Variants in TOP1 observed in about 807,000 individuals in gnomAD.
TOP1 encodes the protein DNA topoisomerase 1.
A neutral mutation model predicts 111.1 loss-of-function variants in TOP1; 10 were observed. That is an observed-to-expected ratio of 0.09 (90% CI 0.06 to 0.15). TOP1 has a LOEUF of 0.15. TOP1 is among the 10% of genes least tolerant of loss of function. The pLI is 1.00. For missense variants in TOP1, 474 were observed against 926.7 expected (o/e 0.51, Z 6.34); for synonymous variants, 271 against 302.9 (o/e 0.89, Z 1.10).
At position 41,080,224 on chromosome 20, in the gene TOP1, G is replaced by A. The variant is rs750776765; in HGVS notation, c.431+44G>A. ...CTTTGACTTTTGAAAACAAAAAGGA[G>A]GAGTTTAAAGAATAAATGTGATGTG... On this transcript the variant is annotated intron_variant, in intron 6 of 20. Coordinates refer to ENST00000361337, the MANE Select transcript of TOP1 (RefSeq NM_003286.4). The surrounding 1 kb of genome is among the most constrained non-coding windows in gnomAD (Gnocchi z 5.0). 8.5e-7 allele frequency: 1 copy of A among 1,170,546 alleles called. No individual in the cohort carries two copies. Among genetic ancestry groups the A allele is most frequent in the Non-Finnish European group, 1.2e-6 (1 of 803,668 alleles). 72.5% of individuals were successfully genotyped at this position (1,170,546 alleles called of 1,614,324 possible). A position where few individuals can be genotyped will look rare whatever the true frequency, so the allele number is the denominator to read the frequency against.
intron 2 of TOP1, among the ~76,000 whole-genome samples, chr20:41,037,150 A>G (rs867563454): frequency 7.2e-5 from 11 of 152,166 alleles, no homozygotes; most frequent in South Asian, 6.2e-4. Context: ...TTTTCTAAGA[A>G]TGTTTACAGC....
At chr20:41,077,769 C>G in intron 5 of TOP1, 132 bp downstream of exon 5, 2 of 788,124 alleles carry the variant, frequency 2.5e-6, no homozygotes, top group Non-Finnish European at 4.2e-6. Flanking sequence ...AGAAGCTCAG[C>G]AGTGAGAAGA....
At chr20:41,068,768 G>T (rs182113933) in intron 3 of TOP1, among the ~76,000 whole-genome samples, 1 of 152,140 alleles carries the variant, frequency 6.6e-6, no homozygotes, top group Non-Finnish European at 1.5e-5. Context: ...TAGCTTGTAG[G>T]ATCTCACGAG....
rs1273361617 is a variant in TOP1, at chr20:41,061,447, C to A, written c.112C>A (p.His38Asn). The A allele has an allele frequency of 6.2e-7, 1 of 1,613,122 alleles. No homozygotes were observed. Among genetic ancestry groups the A allele is most frequent in the Non-Finnish European group, 8.5e-7 (1 of 1,179,518 alleles). The stretch of plus-strand genomic sequence containing the variant: ...AGATCGAGAACACCGGCACAAAGAA[C>A]ACAAGAAGGAGAAGGACCGGGAAAA... Reference protein sequence around the residue: ...HKDREHRHKEHKKEKDREKSK... With the variant: ...HKDREHRHKENKKEKDREKSK... The change falls in exon 3 of 21, where the codon CAC becomes AAC. Residue 38 changes from histidine to asparagine, a missense_variant. His to Asn is a moderately conservative substitution (Grantham distance 68). Transcript: ENST00000361337. This position sits in a 1 kb window ranked among gnomAD's most constrained non-coding sequence, Gnocchi z 4.6.
chr20:41,102,563 T>G lies in TOP1; in HGVS notation c.1308+1210T>G, dbSNP rs2034080621. 6.6e-6 allele frequency among the ~76,000 whole-genome samples: 1 copy of G among 152,314 alleles called. No homozygotes were observed. Among genetic ancestry groups the G allele is most frequent in the East Asian group, 1.9e-4 (1 of 5,188 alleles). The stretch of plus-strand genomic sequence containing the variant: ...AGGCAGAGGTCGCAGTGAGCTGAGA[T>G]CACGCCACTGCACTCCAGCCTGGGC... On this transcript the variant is annotated intron_variant, in intron 13 of 20. Transcript: ENST00000361337. The surrounding 1 kb of genome is among the most constrained non-coding windows in gnomAD (Gnocchi z 4.0).
At position 41,106,482 on chromosome 20, in the gene TOP1, C is replaced by T. The variant is rs1029157925; in HGVS notation, c.1308+5129C>T. Among the ~76,000 whole-genome samples the T allele has an allele frequency of 6.6e-5, 10 of 152,112 alleles. No individual in the cohort carries two copies. The highest frequency in any genetic ancestry group is 2.2e-4 in the African/African-American group (9 of 41,410). On this transcript the variant is annotated intron_variant, in intron 13 of 20. Transcript: ENST00000361337. This position sits in a 1 kb window ranked among gnomAD's most constrained non-coding sequence, Gnocchi z 4.3. Reference sequence around the variant, plus strand: ...GAATTGCAATACATTTATAGATTAACGGAGAAAGATATTGACAATACAATT... The same window carrying T: ...GAATTGCAATACATTTATAGATTAATGGAGAAAGATATTGACAATACAATT...
chr20:41,119,837 A>T (rs2034393868), intron 18 of TOP1, among the ~76,000 whole-genome samples: 1 of 152,176 alleles, frequency 6.6e-6, no homozygotes, highest in Admixed American at 6.5e-5. Flanking sequence ...ATTTGCTGCC[A>T]CTCTGTTAAA....
At position 41,118,389 on chromosome 20, in the gene TOP1, C is replaced by G. The variant is rs1321153324; in HGVS notation, c.1950+93C>G. ...GGGCTGAGATATCAGCAGGCCAGTG[C>G]TGGGTCTGTTGTAGAAGGTCTATGC... On this transcript the variant is annotated intron_variant, in intron 18 of 20. Transcript: ENST00000361337. This position sits in a 1 kb window ranked among gnomAD's most constrained non-coding sequence, Gnocchi z 4.6. 2.0e-6 allele frequency: 3 copies of G among 1,479,814 alleles called. No homozygotes were observed. Among genetic ancestry groups the G allele is most frequent in the Non-Finnish European group, 2.8e-6 (3 of 1,078,650 alleles). 91.7% of individuals were successfully genotyped at this position (1,479,814 alleles called of 1,614,324 possible).
chr20:41,117,757 G>T (rs1466201670), intron 17 of TOP1, among the ~76,000 whole-genome samples: 1 of 151,984 alleles, frequency 6.6e-6, no homozygotes, highest in Non-Finnish European at 1.5e-5. Context: ...GAGGTGGGGA[G>T]GTAGGAAGTG....
chr20:41,093,200 C>T (rs2033941440), intron 9 of TOP1, among the ~76,000 whole-genome samples: 1 of 152,132 alleles, frequency 6.6e-6, no homozygotes, highest in Non-Finnish European at 1.5e-5. Flanking sequence ...GTATTTGTAT[C>T]CTTGGGTTTG....
intron 2 of TOP1, among the ~76,000 whole-genome samples, chr20:41,037,605 A>G (rs2033205215): frequency 6.6e-6 from 1 of 152,258 alleles, no homozygotes; most frequent in Non-Finnish European, 1.5e-5. Context: ...GTTAACAGTT[A>G]TGCGTGAGTA....
At chr20:41,031,213 T>G (rs900325909) in intron 2 of TOP1, among the ~76,000 whole-genome samples, 1 of 152,186 alleles carries the variant, frequency 6.6e-6, no homozygotes, top group Non-Finnish European at 1.5e-5. Flanking sequence ...GCCTGCAGTT[T>G]AGAAAGCCAC....
chr20:41,077,582 G>T lies in TOP1; in HGVS notation c.280G>T (p.Val94Phe). The change falls in exon 5 of 21, where the codon GTT becomes TTT. Residue 94 changes from valine to phenylalanine, a missense_variant and splice_region_variant. By Grantham distance (50) the Val-to-Phe change is conservative. Transcript: ENST00000361337. ...TAGTTACTGTTGTTTTACTTTTCAG[G>T]TTCGAGCCTCTGGGGATGCAAAAAT... The part of the protein sequence containing the change: ...RDKEKRKEEK[V>F]RASGDAKIKK... 1.2e-6 allele frequency: 2 copies of T among 1,613,864 alleles called. No homozygotes were observed. Among genetic ancestry groups the T allele is most frequent in the African/African-American group, 1.3e-5 (1 of 75,014 alleles).
chr20:41,077,888 A>G (rs1322637734), intron 5 of TOP1, among the ~76,000 whole-genome samples: 1 of 151,730 alleles, frequency 6.6e-6, no homozygotes, highest in Non-Finnish European at 1.5e-5. Context: ...AGAGATTTTT[A>G]AAAATTGAGA....
chr20:41,072,621 G>A, intron 3 of TOP1: 1 of 985,384 alleles, frequency 1.0e-6, no homozygotes, highest in Non-Finnish European at 1.2e-6. Context: ...ATTGGCAGTG[G>A]GGTTTGCTCT....
intron 13 of TOP1, among the ~76,000 whole-genome samples, chr20:41,107,458 CA>C (rs2145958803): frequency 6.6e-6 from 1 of 152,306 alleles, no homozygotes; most frequent in South Asian, 2.1e-4. Context: ...TTGTAGCACT[CA>C]CTTCCAATTC....
rs115844916 is a variant in TOP1 at position 41,116,750 on chromosome 20, G to C, written c.1822+358G>C. On this transcript the variant is annotated intron_variant, in intron 17 of 20. Coordinates refer to ENST00000361337, the MANE Select transcript of TOP1 (RefSeq NM_003286.4). This position sits in a 1 kb window ranked among gnomAD's most constrained non-coding sequence, Gnocchi z 5.6. ...GAGAGTAAAGTTGTCATGGTTACCA[G>C]AAAAATACAGGAACAAGTCCTTTCC... 2.2e-3 allele frequency among the ~76,000 whole-genome samples: 330 copies of C among 152,286 alleles called. 1 individual carries two copies. The highest frequency in any genetic ancestry group is 6.5e-3 in the African/African-American group (271 of 41,546).
intron 2 of TOP1, among the ~76,000 whole-genome samples, chr20:41,042,367 T>A (rs974409790): frequency 6.6e-6 from 1 of 152,252 alleles, no homozygotes. Context: ...TTACTGTGTG[T>A]CAGAATCCTA....
Position 41,063,312 on chromosome 20 carries a change from TACA to T in TOP1, c.155+1826_155+1828del, listed in dbSNP as rs1423084294. Among the ~76,000 whole-genome samples, 5 of 152,360 alleles carry T rather than the reference TACA, an allele frequency of 3.3e-5. No homozygotes were observed. In the East Asian group the frequency reaches 7.7e-4, roughly 23 times the overall value. ...CGTATAGTATTCCGTGGTAGATATG[TACA>T]ACATTTTCTTTATCCAATCCATCAT... is the stretch of plus-strand genomic sequence containing the variant. On this transcript the variant is annotated intron_variant, in intron 3 of 20. Coordinates refer to ENST00000361337, the MANE Select transcript of TOP1 (RefSeq NM_003286.4).
Sources: allele counts gnomAD v4.1 joint callset (sites outside exome capture counted in the v4.1 genomes callset), GRCh38; gene constraint gnomAD v4.1.1; non-coding constraint Gnocchi (gnomAD v3.1); transcripts MANE v1.5; gene names NCBI Gene and HGNC (gene_info 2026-07-23, HGNC 2026-07-21).